ARHGEF7: variants seen among roughly 807,000 people sequenced by gnomAD.
ARHGEF7 encodes PAK-interacting exchange factor beta.
In ARHGEF7, 33 loss-of-function variants were observed where a neutral mutation model predicts 109.8. The observed-to-expected ratio is 0.30, with a 90% CI of 0.23 to 0.40. ARHGEF7 has a LOEUF of 0.40. Among genes scored for constraint, ARHGEF7 ranks in the 10% least tolerant of loss-of-function variants. The probability of loss-of-function intolerance (pLI) is 1.00; values close to 1 mark genes in which losing one functional copy is unlikely to be tolerated. For synonymous variants in ARHGEF7, 458 were observed against 424.6 expected (o/e 1.08, Z -0.97); for missense variants, 938 against 1,098.5 (o/e 0.85, Z 2.07).
chr13:111,264,250 T>C (rs1404821767), intron 8 of ARHGEF7, among the ~76,000 whole-genome samples: 4 of 152,246 alleles, frequency 2.6e-5, no homozygotes, highest in Non-Finnish European at 5.9e-5. Flanking sequence ...GGAAACATGC[T>C]GTATCTGCTA....
intron 2 of ARHGEF7, among the ~76,000 whole-genome samples, chr13:111,198,286 G>A (rs921729366): frequency 6.6e-6 from 1 of 152,178 alleles, no homozygotes; most frequent in African/African-American, 2.4e-5. Context: ...AAAGGGGTCC[G>A]ATGATACTCA....
chr13:111,221,689 ACCCCTTGATATATC>A (rs2084420271), intron 5 of ARHGEF7, among the ~76,000 whole-genome samples: 1 of 124,984 alleles, frequency 8.0e-6, no homozygotes, highest in African/African-American at 2.9e-5. Flanking sequence ...CCCTTAATAA[ACCCCTTGATATATC>A]TATCTGTATC....
At chr13:111,292,040 T>G in intron 18 of ARHGEF7, 78 bp from the exon 19 acceptor site, 1 of 1,236,324 alleles carries the variant, frequency 8.1e-7, no homozygotes, top group Non-Finnish European at 1.2e-6. Flanking sequence ...TTGTTCCATG[T>G]TTTGGTTGTG....
chr13:111,265,124 C>CAAAAAA (rs976877106), intron 8 of ARHGEF7, among the ~76,000 whole-genome samples: 11 of 69,426 alleles, frequency 1.6e-4, no homozygotes, highest in Non-Finnish European at 1.9e-4. Flanking sequence ...AACTCCATCT[C>CAAAAAA]AAAAAAAAAA....
chr13:111,125,051 C>T (rs1198303618), intron 1 of ARHGEF7, among the ~76,000 whole-genome samples: 1 of 152,194 alleles, frequency 6.6e-6, no homozygotes, highest in Non-Finnish European at 1.5e-5. Context: ...TGAGCCAGTG[C>T]GCCCAACCAG....
chr13:111,294,316 G>T, intron 19 of ARHGEF7: 1 of 985,476 alleles, frequency 1.0e-6, no homozygotes, highest in Non-Finnish European at 1.2e-6. Flanking sequence ...CACTGGCTAA[G>T]CTGCCTTTGC....
At chr13:111,169,039 G>T (rs1308975811) in intron 2 of ARHGEF7, among the ~76,000 whole-genome samples, 2 of 152,220 alleles carry the variant, frequency 1.3e-5, no homozygotes, top group African/African-American at 4.8e-5. Context: ...AGTAATTCGG[G>T]AAGTTGGCTT....
intron 1 of ARHGEF7, among the ~76,000 whole-genome samples, chr13:111,129,847 C>G (rs2074647886): frequency 6.6e-6 from 1 of 152,168 alleles, no homozygotes; most frequent in Admixed American, 6.5e-5. Context: ...ATACATCTAC[C>G]AAATGTTTCA....
At position 111,258,417 on chromosome 13, in the gene ARHGEF7, C is replaced by T. The variant is rs2090696533; in HGVS notation, c.951-9131C>T. Among the ~76,000 whole-genome samples the T allele has an allele frequency of 6.6e-6, 1 of 152,240 alleles. No individual in the cohort carries two copies. The highest frequency in any genetic ancestry group is 6.5e-5 in the Admixed American group (1 of 15,290). On this transcript the variant is annotated intron_variant, in intron 8 of 21. Coordinates refer to ENST00000646102, the MANE Select transcript of ARHGEF7 (RefSeq NM_001354046.2). This position sits in a 1 kb window ranked among gnomAD's most constrained non-coding sequence, Gnocchi z 4.4. The stretch of plus-strand genomic sequence containing the variant: ...TGCAGCTTGGATACCAGCTCAGCCA[C>T]AGCAGGATAGAGCATCAGGCAGAAC...
intron 2 of ARHGEF7, chr13:111,185,288 A>T (rs1422602072): frequency 1.3e-5 from 2 of 152,384 alleles, no homozygotes. Flanking sequence ...GCTCCCTTAC[A>T]AGTGCTGTTC....
chr13:111,232,159 T>G (rs549310960), intron 5 of ARHGEF7, among the ~76,000 whole-genome samples: 1 of 152,020 alleles, frequency 6.6e-6, no homozygotes, highest in Non-Finnish European at 1.5e-5. Flanking sequence ...ACCCACCCTA[T>G]AGAATTGTGA....
intron 1 of ARHGEF7, among the ~76,000 whole-genome samples, chr13:111,119,558 A>G (rs2153313146): frequency 6.6e-6 from 1 of 152,324 alleles, no homozygotes; most frequent in Non-Finnish European, 1.5e-5. Flanking sequence ...GGAGCAAAAG[A>G]ATCAAGGAGC....
At chr13:111,286,622 G>C (rs945070190) in intron 17 of ARHGEF7, among the ~76,000 whole-genome samples, 2 of 152,130 alleles carry the variant, frequency 1.3e-5, no homozygotes, top group African/African-American at 4.8e-5. Context: ...AGCGTGACCT[G>C]CTGTGTTCTC....
At chr13:111,195,854 G>C (rs1361771000) in intron 2 of ARHGEF7, among the ~76,000 whole-genome samples, 1 of 152,172 alleles carries the variant, frequency 6.6e-6, no homozygotes, top group African/African-American at 2.4e-5. Flanking sequence ...TTGTCTGTCT[G>C]AGGGCCATGA....
intron 2 of ARHGEF7, chr13:111,186,952 G>A (rs1348974754): frequency 2.0e-6 from 2 of 985,578 alleles, no homozygotes; most frequent in Admixed American, 6.1e-5. Context: ...GCATCAGCCA[G>A]CGCTACCATG....
At chr13:111,172,268 G>A (rs2077672519) in intron 2 of ARHGEF7, among the ~76,000 whole-genome samples, 1 of 152,046 alleles carries the variant, frequency 6.6e-6, no homozygotes, top group Non-Finnish European at 1.5e-5. Flanking sequence ...TGGAAATGTG[G>A]TCCTGGAAGT....
At chr13:111,262,420 G>A (rs909116104) in intron 8 of ARHGEF7, among the ~76,000 whole-genome samples, 1 of 152,184 alleles carries the variant, frequency 6.6e-6, no homozygotes, top group Non-Finnish European at 1.5e-5. Flanking sequence ...GTGCATGTGT[G>A]TGTGTGTGTC....
intron 8 of ARHGEF7, among the ~76,000 whole-genome samples, chr13:111,246,667 A>T (rs2088903093): frequency 6.6e-6 from 1 of 152,230 alleles, no homozygotes; most frequent in Non-Finnish European, 1.5e-5. Flanking sequence ...GGCATTACTT[A>T]CATGACCATG....
At position 111,197,170 on chromosome 13, in the gene ARHGEF7, A is replaced by G. The variant is rs530279252; in HGVS notation, c.253-8119A>G. On this transcript the variant is annotated intron_variant, in intron 2 of 21. Transcript: ENST00000646102. The stretch of plus-strand genomic sequence containing the variant: ...TAGTTGCGCTCACCGACGCAGCAGC[A>G]GAAACACCTCTTGCCCAAGAACCCT... Among the ~76,000 whole-genome samples the G allele has an allele frequency of 2.6e-5, 4 of 151,920 alleles. No individual in the cohort carries two copies. The South Asian group carries it at 8.3e-4, about 32-fold the overall frequency.
Sources: gnomAD v4.1 joint callset for allele counts (sites outside exome capture counted in the v4.1 genomes callset) on GRCh38, gnomAD v4.1.1 for gene constraint, Gnocchi (gnomAD v3.1) non-coding constraint, MANE v1.5 for transcripts, NCBI Gene and HGNC (gene_info 2026-07-23, HGNC 2026-07-21) for gene names.